LRP1B: variants seen among roughly 807,000 people sequenced by gnomAD.
LRP1B encodes the protein low-density lipoprotein receptor-related protein 1B.
LRP1B carries 217 observed loss-of-function variants against 556.6 expected under a neutral mutation model. That is an observed-to-expected ratio of 0.39 (90% CI 0.35 to 0.44). The LOEUF (loss-of-function observed/expected upper bound fraction) is 0.44, where lower values mean the gene tolerates loss of function less well. LRP1B is among the 20% of genes least tolerant of loss of function. The pLI, the probability that LRP1B is intolerant of heterozygous loss-of-function variation, is 1.00. For missense variants in LRP1B, 5,053 were observed against 5,620.8 expected (o/e 0.90, Z 3.23); for synonymous variants, 2,047 against 1,865.8 (o/e 1.10, Z -2.50).
chr2:141,388,345 A>T (rs4362502), intron 3 of LRP1B, among the ~76,000 whole-genome samples: 83,544 of 152,010 alleles, frequency 0.55, 24,984 homozygotes, highest in Non-Finnish European at 0.68. Flanking sequence ...CTGAGGCAAG[A>T]GAATCGCTTG....
intron 2 of LRP1B, among the ~76,000 whole-genome samples, chr2:141,719,766 A>G (rs1473893628): frequency 1.3e-5 from 2 of 152,148 alleles, no homozygotes; most frequent in Non-Finnish European, 2.9e-5. Flanking sequence ...TAACACAGGA[A>G]CAGAAAACCA....
intron 3 of LRP1B, among the ~76,000 whole-genome samples, chr2:141,438,128 C>G (rs941885885): frequency 6.6e-6 from 1 of 152,200 alleles, no homozygotes; most frequent in African/African-American, 2.4e-5. Flanking sequence ...ATGAGCTAGG[C>G]ATCTTCTTTT....
At chr2:140,587,773 A>G (rs1207337682) in intron 43 of LRP1B, among the ~76,000 whole-genome samples, 1 of 152,220 alleles carries the variant, frequency 6.6e-6, no homozygotes, top group Non-Finnish European at 1.5e-5. Context: ...ATACACAATT[A>G]TTATTTGCTG....
chr2:140,891,641 C>A (rs184039301), intron 23 of LRP1B, among the ~76,000 whole-genome samples: 7 of 152,188 alleles, frequency 4.6e-5, no homozygotes, highest in Admixed American at 3.9e-4. Flanking sequence ...TATATCATGA[C>A]TTGCTTCCCT....
intron 1 of LRP1B, among the ~76,000 whole-genome samples, chr2:141,865,760 A>T (rs532913669): frequency 1.3e-5 from 2 of 152,312 alleles, no homozygotes; most frequent in South Asian, 2.1e-4. Context: ...CAAGGGAAAG[A>T]TATTTTAATT....
chr2:140,600,731 A>AT (rs1682621746), intron 42 of LRP1B, among the ~76,000 whole-genome samples: 1 of 60,882 alleles, frequency 1.6e-5, no homozygotes, highest in Non-Finnish European at 3.4e-5. Context: ...ATAGATAGGT[A>AT]TTTTTTTGTT....
At chr2:140,915,261 T>C (rs917199693) in intron 21 of LRP1B, among the ~76,000 whole-genome samples, 5 of 151,934 alleles carry the variant, frequency 3.3e-5, no homozygotes, top group African/African-American at 7.3e-5. Flanking sequence ...TATAGTTATA[T>C]AGAGAAAGAA....
chr2:141,315,659 C>T (rs1687002510), intron 3 of LRP1B, among the ~76,000 whole-genome samples: 1 of 151,804 alleles, frequency 6.6e-6, no homozygotes, highest in Non-Finnish European at 1.5e-5. Context: ...TTAATTATTT[C>T]ATCCAAAAGG....
rs1250458038 is a variant in LRP1B, at chr2:140,233,314, A to T, written c.13672T>A (p.Ser4558Thr). The change falls in exon 91 of 91, where the codon TCC (serine) becomes ACC (threonine). Residue 4558 changes from serine (S) to threonine (T), a missense_variant. Ser to Thr is a moderately conservative substitution (Grantham distance 58, BLOSUM62 1). Coordinates refer to ENST00000389484, the MANE Select transcript of LRP1B (RefSeq NM_018557.3). ...TATAATTTTGCATATACCGGATTGG[A>T]GTAATTTGTTGGCTGAAGGAGAAAA... ...GPLTAGPTNY[S>T]NPVYAKLYMD... is the part of the protein sequence containing the mutation. The T allele has an allele frequency of 6.3e-7, 1 of 1,588,558 alleles. No individual in the cohort carries two copies. The highest frequency in any genetic ancestry group is 1.8e-5 in the Admixed American group (1 of 57,030).
chr2:141,230,664 C>A (rs1335037955), intron 5 of LRP1B, among the ~76,000 whole-genome samples: 1 of 152,198 alleles, frequency 6.6e-6, no homozygotes, highest in African/African-American at 2.4e-5. Context: ...AGACACACTG[C>A]ACTTCTTACT....
intron 27 of LRP1B, among the ~76,000 whole-genome samples, chr2:140,862,806 C>G (rs1183622095): frequency 6.6e-6 from 1 of 152,098 alleles, no homozygotes; most frequent in Non-Finnish European, 1.5e-5. Context: ...TTAGAAGTTT[C>G]CTGCCCTTGC....
chr2:140,319,589 A>G (rs1679981582), intron 82 of LRP1B, among the ~76,000 whole-genome samples: 1 of 152,150 alleles, frequency 6.6e-6, no homozygotes, highest in South Asian at 2.1e-4. Context: ...GCATGGATAC[A>G]CAAGAGAAAC....
At chr2:140,554,351 T>A (rs548739095) in intron 43 of LRP1B, among the ~76,000 whole-genome samples, 2 of 151,994 alleles carry the variant, frequency 1.3e-5, no homozygotes, top group African/African-American at 4.8e-5. Flanking sequence ...TTATTAAATT[T>A]ATAGCTTATC....
At chr2:140,423,846 T>C (rs1685549652) in intron 66 of LRP1B, among the ~76,000 whole-genome samples, 1 of 152,090 alleles carries the variant, frequency 6.6e-6, no homozygotes, top group African/African-American at 2.4e-5. Context: ...CACTTACATA[T>C]ACAAAATCAA....
chr2:140,475,656 A>ATT (rs1687944241), intron 59 of LRP1B, among the ~76,000 whole-genome samples: 1 of 151,656 alleles, frequency 6.6e-6, no homozygotes, highest in East Asian at 1.9e-4. Flanking sequence ...TTCAAAAGAT[A>ATT]CCTATCAATG....
At chr2:141,273,646 A>T (rs986862641) in intron 3 of LRP1B, among the ~76,000 whole-genome samples, 1 of 152,224 alleles carries the variant, frequency 6.6e-6, no homozygotes, top group Non-Finnish European at 1.5e-5. Flanking sequence ...AAATGTGAGT[A>T]AATCCTTGTT....
chr2:141,684,388 G>T (rs1246160306), intron 2 of LRP1B, among the ~76,000 whole-genome samples: 2 of 152,022 alleles, frequency 1.3e-5, no homozygotes, highest in Non-Finnish European at 2.9e-5. Flanking sequence ...TCTCTCATAA[G>T]TGGAAGTTGA....
chr2:140,402,160 G>T (rs529327689), intron 66 of LRP1B, among the ~76,000 whole-genome samples: 5 of 152,264 alleles, frequency 3.3e-5, no homozygotes, highest in African/African-American at 1.2e-4. Flanking sequence ...CTACTCCCAG[G>T]GTAGGTGCGG....
At chr2:141,287,267 A>G (rs892021646) in intron 3 of LRP1B, among the ~76,000 whole-genome samples, 2 of 151,542 alleles carry the variant, frequency 1.3e-5, no homozygotes, top group Non-Finnish European at 2.9e-5. Context: ...TTCTCTTTAT[A>G]ATAGCCTAAG....
Sources: allele counts gnomAD v4.1 joint callset (sites outside exome capture counted in the v4.1 genomes callset), GRCh38; gene constraint gnomAD v4.1.1; transcripts MANE v1.5; gene names NCBI Gene and HGNC (gene_info 2026-07-23, HGNC 2026-07-21).